EVC: variants seen among roughly 807,000 people sequenced by gnomAD.
The protein encoded by EVC is evC complex member EVC.
A neutral mutation model predicts 118.9 loss-of-function variants in EVC; 116 were observed. That is an observed-to-expected ratio of 0.98 (90% confidence interval 0.84 to 1.14). The LOEUF is 1.14. EVC is among the 50% of genes most tolerant of loss of function. EVC has a pLI of 0.00. For missense variants in EVC, 1,401 were observed against 1,246.4 expected, an observed-to-expected ratio of 1.12 and a Z score of -1.87; for synonymous variants, 619 against 534.7, an observed-to-expected ratio of 1.16 and a Z score of -2.18.
chr4:5,822,563 C>G, the EVC span, among the ~76,000 whole-genome samples: 1 of 151,892 alleles, frequency 6.6e-6, no homozygotes, highest in African/African-American at 2.4e-5. Context: ...TCTACTTTTA[C>G]CTATTCTCTT....
the EVC span, chr4:5,824,328 T>C: frequency 4.1e-6 from 4 of 985,300 alleles, no homozygotes; most frequent in African/African-American, 3.5e-5. Context: ...TGCAAAAATA[T>C]GAAACACTGG....
rs1275611813 is a variant in EVC at position 5,737,467 on chromosome 4, G to T, written c.702+4032G>T. ...GGTCATGGAAGAAGATGCCATCTAA[G>T]ACTTCATAGCTAAAGAGGAGAAGTC... On this transcript the variant is annotated intron_variant, in intron 5 of 20. Transcript: ENST00000264956. The surrounding 1 kb of genome is among the most constrained non-coding windows in gnomAD (Gnocchi z 5.0). Among the ~76,000 whole-genome samples the T allele has an allele frequency of 6.6e-6, 1 of 152,210 alleles. No individual in the cohort carries two copies. Among genetic ancestry groups the T allele is most frequent in the Admixed American group, 6.5e-5 (1 of 15,280 alleles).
chr4:5,770,660 C>T (rs1018276854), intron 11 of EVC, among the ~76,000 whole-genome samples: 1 of 152,108 alleles, frequency 6.6e-6, no homozygotes, highest in African/African-American at 2.4e-5. Context: ...AGGGCATAAC[C>T]CACTCTAGAC....
chr4:5,808,997 G>T (rs368692126), intron 18 of EVC, among the ~76,000 whole-genome samples: 1 of 152,164 alleles, frequency 6.6e-6, no homozygotes, highest in Non-Finnish European at 1.5e-5. Flanking sequence ...GAGGGTCTAT[G>T]ATAGATAGTC....
intron 2 of EVC, among the ~76,000 whole-genome samples, chr4:5,721,504 G>T (rs1206645239): frequency 6.6e-6 from 1 of 152,034 alleles, no homozygotes; most frequent in Non-Finnish European, 1.5e-5. Context: ...GGCTGCAGCA[G>T]AGGAAAGGGA....
rs193298975 is a variant in EVC, at chr4:5,718,630, C to T, written c.175-618C>T. On this transcript the variant is annotated intron_variant, in intron 1 of 20. Coordinates refer to ENST00000264956, the MANE Select transcript of EVC (RefSeq NM_153717.3). ...CTCAACTGAGCACGTGCATGCTGGG[C>T]AACTCAGATTGTTCATGCTCTGCAT... Among the ~76,000 whole-genome samples the T allele has an allele frequency of 1.7e-4, 26 of 152,284 alleles. No individual in the cohort carries two copies. In the East Asian group the frequency reaches 4.6e-3, roughly 27 times the overall value.
chr4:5,734,823 C>T (rs1214781778), intron 5 of EVC, among the ~76,000 whole-genome samples: 1 of 152,190 alleles, frequency 6.6e-6, no homozygotes, highest in African/African-American at 2.4e-5. Context: ...TATCCCCAGC[C>T]CCATGGAGGT....
chr4:5,748,262 G>GCAGC lies in EVC; in HGVS notation c.1056_1059dup (p.Glu354SerfsTer31), dbSNP rs1553873969. The GCAGC allele has an allele frequency of 1.9e-6, 3 of 1,614,170 alleles. No homozygotes were observed. The highest frequency in any genetic ancestry group is 2.5e-6 in the Non-Finnish European group (3 of 1,180,034). On this transcript the variant is annotated frameshift_variant, in exon 8 of 21. Coordinates refer to ENST00000264956, the MANE Select transcript of EVC (RefSeq NM_153717.3). LOFTEE classifies it high-confidence loss of function. ...GATGACTCTGACGGAAAGAATGATT[G>GCAGC]CAGCCGAAGGGCTATTGTGCGATTC...
At chr4:5,741,102 C>CA (rs1407962050) in intron 5 of EVC, among the ~76,000 whole-genome samples, 1 of 152,204 alleles carries the variant, frequency 6.6e-6, no homozygotes, top group Non-Finnish European at 1.5e-5. Flanking sequence ...GCATTTATCT[C>CA]AGAGAAATGA....
the EVC span, chr4:5,825,873 CT>C: frequency 2.5e-5 from 13 of 519,976 alleles, no homozygotes; most frequent in Non-Finnish European, 3.4e-5. This position sits in a 1 kb window ranked among gnomAD's most constrained non-coding sequence, Gnocchi z 4.4. Flanking sequence ...ACACACACAT[CT>C]ACATACCCAC....
At chr4:5,821,724 A>T in the EVC span, 1 of 1,554,630 alleles carries the variant, frequency 6.4e-7, no homozygotes, top group Non-Finnish European at 8.8e-7. This position sits in a 1 kb window ranked among gnomAD's most constrained non-coding sequence, Gnocchi z 4.4. Flanking sequence ...CATGATTCCC[A>T]GAATCCTTCA....
chr4:5,818,398 G>C (rs1204382937), downstream of EVC, among the ~76,000 whole-genome samples: 1 of 152,202 alleles, frequency 6.6e-6, no homozygotes, highest in Non-Finnish European at 1.5e-5. Flanking sequence ...CAACAGTTAA[G>C]TGGTCTGGAT....
Position 5,719,291 on chromosome 4 carries a change from C to A in EVC, c.218C>A (p.Ala73Glu), listed in dbSNP as rs1361442490. The A allele has an allele frequency of 1.2e-6, 2 of 1,614,008 alleles. No homozygotes were observed. The highest frequency in any genetic ancestry group is 1.7e-6 in the Non-Finnish European group (2 of 1,180,036). Residue 73 changes from alanine (A) to glutamate (E), a missense_variant, in exon 2 of 21, where the codon GCG becomes GAG. Transcript: ENST00000264956. This position sits in a 1 kb window ranked among gnomAD's most constrained non-coding sequence, Gnocchi z 4.7. The stretch of plus-strand genomic sequence containing the variant: ...CTGCTCAAGAATTTGGAGTCTAATG[C>A]GCAGACCCCCTCGGAAACTGGCTCC... ...QNLLKNLESN[A>E]QTPSETGSPS...
intron 11 of EVC, among the ~76,000 whole-genome samples, chr4:5,781,214 T>C (rs1313666237): frequency 2.6e-5 from 4 of 152,052 alleles, no homozygotes; most frequent in African/African-American, 9.7e-5. Flanking sequence ...CAGAGGGGAA[T>C]GTGGGTGCTC....
chr4:5,733,291 T>A, intron 4 of EVC, 60 bp from the exon 5 acceptor site: 1 of 1,414,454 alleles, frequency 7.1e-7, no homozygotes, highest in Non-Finnish European at 1.0e-6. Context: ...CGTGCCAATA[T>A]TCTTACTCTT....
At chr4:5,750,859 A>AT (rs1204315408) in intron 8 of EVC, among the ~76,000 whole-genome samples, 1 of 152,184 alleles carries the variant, frequency 6.6e-6, no homozygotes, top group East Asian at 1.9e-4. Context: ...CTATGCCTGC[A>AT]TACCGGGCAC....
At chr4:5,723,944 G>A (rs1393374221) in intron 2 of EVC, among the ~76,000 whole-genome samples, 1 of 152,182 alleles carries the variant, frequency 6.6e-6, no homozygotes, top group African/African-American at 2.4e-5. Flanking sequence ...GGGATTGAGA[G>A]CAGGCCAGGC....
intron 5 of EVC, among the ~76,000 whole-genome samples, chr4:5,740,879 C>CA (rs2151993981): frequency 6.6e-6 from 1 of 152,226 alleles, no homozygotes; most frequent in South Asian, 2.1e-4. Context: ...AAGTTGAACT[C>CA]ACAATAAGAT....
intron 2 of EVC, among the ~76,000 whole-genome samples, chr4:5,725,350 A>C (rs1725642226): frequency 6.6e-6 from 1 of 152,158 alleles, no homozygotes; most frequent in Non-Finnish European, 1.5e-5. Flanking sequence ...ACAGTGTAAA[A>C]GTTTTCCTTT....
Sources: gnomAD v4.1 joint callset for allele counts (sites outside exome capture counted in the v4.1 genomes callset) on GRCh38, gnomAD v4.1.1 for gene constraint, Gnocchi (gnomAD v3.1) non-coding constraint, MANE v1.5 for transcripts, NCBI Gene and HGNC (gene_info 2026-07-23, HGNC 2026-07-21) for gene names.